The following STK32B variants were observed in gnomAD, a reference collection of about 807,000 sequenced individuals.
STK32B encodes serine/threonine-protein kinase 32B.
STK32B carries 43 observed loss-of-function variants against 52.6 expected under a neutral mutation model. The observed-to-expected ratio is 0.82, with a 90% CI of 0.64 to 1.05. The LOEUF is 1.05. STK32B is among the 50% of genes least tolerant of loss of function. The pLI is 0.00. For synonymous variants in STK32B, 238 were observed against 204.3 expected (o/e 1.17, Z -1.41); for missense variants, 621 against 534.6 (o/e 1.16, Z -1.59).
At chr4:5,050,161 T>C (rs1039472654), upstream of STK32B, among the ~76,000 whole-genome samples, 4 of 152,190 alleles carry the variant, frequency 2.6e-5, no homozygotes, top group Non-Finnish European at 2.9e-5. Flanking sequence ...TGTATGCTTG[T>C]TGGTGGAATG....
chr4:5,458,579 C>T (rs1716766102), intron 8 of STK32B: 1 of 130,364 alleles, frequency 7.7e-6, no homozygotes, highest in African/African-American at 2.7e-5. Flanking sequence ...CCCTACATGG[C>T]TATAATGGCT....
chr4:5,215,405 C>T (rs965912105), intron 3 of STK32B, among the ~76,000 whole-genome samples: 2 of 152,104 alleles, frequency 1.3e-5, no homozygotes, highest in African/African-American at 4.8e-5. Context: ...ATTTTGCCTC[C>T]AAATGAACCT....
intron 3 of STK32B, among the ~76,000 whole-genome samples, chr4:5,210,167 A>C (rs548109414): frequency 6.6e-6 from 1 of 152,136 alleles, no homozygotes; most frequent in Non-Finnish European, 1.5e-5. Context: ...CATAATGTTG[A>C]AGACTGAATC....
chr4:5,378,270 C>T lies in STK32B; in HGVS notation c.435-19937C>T, dbSNP rs892474341. 3.3e-5 allele frequency among the ~76,000 whole-genome samples: 5 copies of T among 152,110 alleles called. No individual in the cohort carries two copies. Among genetic ancestry groups the T allele is most frequent in the Admixed American group, 3.3e-4 (5 of 15,258 alleles). ...GACAGGCAAGGAGGGAACTGATGAG[C>T]GGGGACAAGGATGACAGTCCATGGT... On this transcript the variant is annotated intron_variant, in intron 4 of 11. Coordinates refer to ENST00000282908, the MANE Select transcript of STK32B (RefSeq NM_018401.3). The surrounding 1 kb of genome is among the most constrained non-coding windows in gnomAD (Gnocchi z 4.4).
intron 4 of STK32B, among the ~76,000 whole-genome samples, chr4:5,367,828 A>C (rs183323525): frequency 4.1e-4 from 62 of 152,154 alleles, no homozygotes; most frequent in Middle Eastern, 3.4e-3. Flanking sequence ...ATTCCAGAAA[A>C]CTTTAATAAT....
chr4:5,159,041 A>G (rs941378088), intron 2 of STK32B, among the ~76,000 whole-genome samples: 1 of 152,124 alleles, frequency 6.6e-6, no homozygotes, highest in African/African-American at 2.4e-5. Flanking sequence ...CATCAGCTGT[A>G]CAATGTTGCA....
At chr4:5,377,147 T>A (rs1207757252) in intron 4 of STK32B, among the ~76,000 whole-genome samples, 4 of 152,190 alleles carry the variant, frequency 2.6e-5, no homozygotes, top group Non-Finnish European at 5.9e-5. Flanking sequence ...GAGGGAGTCA[T>A]TGGACTTTTA....
At chr4:5,163,271 A>T (rs1077364) in intron 2 of STK32B, among the ~76,000 whole-genome samples, 80,845 of 151,962 alleles carry the variant, frequency 0.53, 21,690 homozygotes, top group Admixed American at 0.56. Flanking sequence ...TGAGTTGGCA[A>T]GGCCTCTGTC....
chr4:5,454,512 A>G (rs182453524), intron 7 of STK32B, among the ~76,000 whole-genome samples: 1 of 151,950 alleles, frequency 6.6e-6, no homozygotes, highest in African/African-American at 2.4e-5. Context: ...AACTCTAATG[A>G]CTCGATTGGA....
At chr4:5,413,090 C>G (rs195110) in intron 5 of STK32B, among the ~76,000 whole-genome samples, 83,131 of 151,982 alleles carry the variant, frequency 0.55, 24,567 homozygotes, top group Middle Eastern at 0.73. Context: ...TTGCTTTCCT[C>G]TTCTTCAGAT....
At chr4:5,310,427 T>C (rs1730217234) in intron 3 of STK32B, among the ~76,000 whole-genome samples, 1 of 152,106 alleles carries the variant, frequency 6.6e-6, no homozygotes, top group African/African-American at 2.4e-5. Flanking sequence ...GGCAAACGTA[T>C]GTGAAAAAAT....
At chr4:5,196,633 ATTGC>A (rs1036813519) in intron 3 of STK32B, among the ~76,000 whole-genome samples, 1 of 151,890 alleles carries the variant, frequency 6.6e-6, no homozygotes, top group Non-Finnish European at 1.5e-5. Flanking sequence ...AGGCAGAAGA[ATTGC>A]TTGAACCCGG....
chr4:5,420,727 G>T (rs922513539), intron 6 of STK32B, among the ~76,000 whole-genome samples: 6 of 152,082 alleles, frequency 3.9e-5, no homozygotes, highest in East Asian at 1.9e-4. Flanking sequence ...ATCCCACAGG[G>T]GAGTGCTGAG....
intron 3 of STK32B, among the ~76,000 whole-genome samples, chr4:5,261,506 A>C (rs1726711221): frequency 6.6e-6 from 1 of 152,206 alleles, no homozygotes; most frequent in South Asian, 2.1e-4. Context: ...CCTGTCACAC[A>C]TCAGACTCTT....
At chr4:5,088,851 C>G (rs1429554514) in intron 1 of STK32B, among the ~76,000 whole-genome samples, 1 of 151,654 alleles carries the variant, frequency 6.6e-6, no homozygotes, top group Non-Finnish European at 1.5e-5. Context: ...CAAGGAAGAT[C>G]TCAAATCAAT....
intron 3 of STK32B, among the ~76,000 whole-genome samples, chr4:5,307,667 G>A (rs1479284042): frequency 6.6e-6 from 1 of 151,582 alleles, no homozygotes; most frequent in Non-Finnish European, 1.5e-5. Flanking sequence ...TGGTTAGCTA[G>A]TGTGATCTTT....
the STK32B span, among the ~76,000 whole-genome samples, chr4:5,043,249 C>T: frequency 6.6e-6 from 1 of 151,970 alleles, no homozygotes; most frequent in South Asian, 2.1e-4. Flanking sequence ...TCCAAATGTT[C>T]ATTGAGTCTC....
intron 3 of STK32B, among the ~76,000 whole-genome samples, chr4:5,229,858 G>A (rs1477200084): frequency 2.0e-5 from 3 of 151,990 alleles, no homozygotes; most frequent in Non-Finnish European, 2.9e-5. Context: ...CAATTTTTGG[G>A]GATGATAATG....
chr4:5,173,517 T>A (rs1719567413), intron 3 of STK32B, among the ~76,000 whole-genome samples: 1 of 152,156 alleles, frequency 6.6e-6, no homozygotes. Flanking sequence ...TTGTTCTCAT[T>A]GGTTTCAAAG....
Sources: gnomAD v4.1 joint callset for allele counts (sites outside exome capture counted in the v4.1 genomes callset) on GRCh38, gnomAD v4.1.1 for gene constraint, Gnocchi (gnomAD v3.1) non-coding constraint, MANE v1.5 for transcripts, NCBI Gene and HGNC (gene_info 2026-07-23, HGNC 2026-07-21) for gene names.